TRPC4: variants seen among roughly 807,000 people sequenced by gnomAD.
TRPC4 encodes short transient receptor potential channel 4.
TRPC4 carries 49 observed loss-of-function variants against 99.4 expected under a neutral mutation model. The observed-to-expected ratio is 0.49, with a 90% confidence interval of 0.39 to 0.63. TRPC4 has a LOEUF of 0.63. Ranked by LOEUF, TRPC4 falls within the 20% of genes least tolerant of loss-of-function variation. The pLI is 0.00. For missense variants in TRPC4, 898 were observed against 1,152.9 expected (o/e 0.78, Z 3.20); for synonymous variants, 454 against 425.9 (o/e 1.07, Z -0.81).
chr13:37,667,154 T>G (rs1952672010), intron 5 of TRPC4, among the ~76,000 whole-genome samples: 1 of 152,224 alleles, frequency 6.6e-6, no homozygotes, highest in African/African-American at 2.4e-5. Flanking sequence ...TCCCAGCATC[T>G]AAACCCAAAT....
intron 1 of TRPC4, among the ~76,000 whole-genome samples, chr13:37,807,739 T>A (rs1035366484): frequency 9.2e-5 from 14 of 152,026 alleles, no homozygotes; most frequent in African/African-American, 3.4e-4. Flanking sequence ...AATGTTTCCA[T>A]CCTTCCAGAA....
intron 4 of TRPC4, among the ~76,000 whole-genome samples, chr13:37,682,062 A>G (rs1403612367): frequency 3.3e-5 from 5 of 152,200 alleles, no homozygotes; most frequent in Non-Finnish European, 1.5e-5. Flanking sequence ...GCCACATTTA[A>G]CAGCACCAAT....
chr13:37,777,487 A>C (rs1316314146), intron 2 of TRPC4, among the ~76,000 whole-genome samples: 1 of 151,874 alleles, frequency 6.6e-6, no homozygotes, highest in African/African-American at 2.4e-5. Context: ...CCCATGATTC[A>C]ATCACTTTTC....
At chr13:37,650,426 A>G (rs1036728496) in intron 8 of TRPC4, among the ~76,000 whole-genome samples, 1 of 152,146 alleles carries the variant, frequency 6.6e-6, no homozygotes, top group African/African-American at 2.4e-5. Context: ...TGTCAATGGT[A>G]TGGCTGCACC....
chr13:37,739,059 G>A (rs978566791), intron 3 of TRPC4, among the ~76,000 whole-genome samples: 1 of 152,094 alleles, frequency 6.6e-6, no homozygotes, highest in Admixed American at 6.5e-5. Context: ...TTAGAGGCAA[G>A]GTGTTCAACT....
intron 8 of TRPC4, among the ~76,000 whole-genome samples, chr13:37,643,437 G>A (rs1214538361): frequency 6.6e-6 from 1 of 152,176 alleles, no homozygotes; most frequent in Non-Finnish European, 1.5e-5. Context: ...GTACAGGGGA[G>A]AAGGAGGTAA....
intron 1 of TRPC4, among the ~76,000 whole-genome samples, chr13:37,788,839 G>A (rs1297552971): frequency 6.6e-6 from 1 of 152,038 alleles, no homozygotes; most frequent in Non-Finnish European, 1.5e-5. Flanking sequence ...ATCCAAGATG[G>A]TAGCCATTAG....
At chr13:37,640,848 G>C (rs1323593408) in intron 8 of TRPC4, among the ~76,000 whole-genome samples, 1 of 152,080 alleles carries the variant, frequency 6.6e-6, no homozygotes, top group Non-Finnish European at 1.5e-5. Flanking sequence ...ACAGAGATCT[G>C]ATTTTCATTA....
Position 37,826,583 on chromosome 13 carries a change from A to C in TRPC4, c.-28+43012T>G, listed in dbSNP as rs1387192994. Among the ~76,000 whole-genome samples the C allele has an allele frequency of 2.0e-5, 3 of 151,774 alleles. No individual in the cohort carries two copies. The East Asian group carries it at 5.8e-4, about 29-fold the overall frequency. ...TCTGGGTTGAAAATTCTTCTCTTTA[A>C]GAATGTTGAATATTGGTCCCCACTC... On this transcript the variant is annotated intron_variant, in intron 1 of 10. Coordinates refer to ENST00000379705, the MANE Select transcript of TRPC4 (RefSeq NM_016179.4).
intron 3 of TRPC4, among the ~76,000 whole-genome samples, chr13:37,705,958 CTA>C (rs10600518): frequency 0.54 from 81,492 of 151,742 alleles, 22,199 homozygotes; most frequent in African/African-American, 0.61. Context: ...TGATGAGTTC[CTA>C]TTGGTCTTTC....
chr13:37,653,089 G>T (rs534556614), intron 7 of TRPC4, among the ~76,000 whole-genome samples: 1 of 151,958 alleles, frequency 6.6e-6, no homozygotes, highest in Non-Finnish European at 1.5e-5. Context: ...CCCAGTCAAG[G>T]TCCCCTCTTC....
At chr13:37,861,719 C>A (rs1388378856) in intron 1 of TRPC4, among the ~76,000 whole-genome samples, 1 of 151,430 alleles carries the variant, frequency 6.6e-6, no homozygotes, top group Admixed American at 6.6e-5. Flanking sequence ...CATTACAAAT[C>A]AAAATGTTAA....
At chr13:37,713,665 T>C (rs1954561867) in intron 3 of TRPC4, among the ~76,000 whole-genome samples, 1 of 152,170 alleles carries the variant, frequency 6.6e-6, no homozygotes, top group Non-Finnish European at 1.5e-5. Flanking sequence ...GGTATAGTGA[T>C]CTGAACATAC....
rs1566052573 is a variant in TRPC4 at position 37,633,004 on chromosome 13, C to A, written c.*3899G>T. ...GATGAGGAGGTTTTTGTTTAAGCCCCAACTTGACCACCAAACACATGGGTA... is the reference window on the plus strand; with the variant it reads ...GATGAGGAGGTTTTTGTTTAAGCCCAAACTTGACCACCAAACACATGGGTA... On this transcript the variant is annotated 3_prime_UTR_variant, in exon 11 of 11. Coordinates refer to ENST00000379705, the MANE Select transcript of TRPC4 (RefSeq NM_016179.4). 6.6e-6 allele frequency among the ~76,000 whole-genome samples: 1 copy of A among 152,222 alleles called. No homozygotes were observed. Among genetic ancestry groups the A allele is most frequent in the South Asian group, 2.1e-4 (1 of 4,824 alleles).
At position 37,685,803 on chromosome 13, in the gene TRPC4, T is replaced by G. The variant is rs548126241; in HGVS notation, c.1234+6196A>C. On this transcript the variant is annotated intron_variant, in intron 4 of 10. Transcript: ENST00000379705. ...AGTTCATTTCCCTCCAATAAAGAAA[T>G]CATGTGTTCAGCATTAATAGGGGCA... is the stretch of plus-strand genomic sequence containing the variant. 2.6e-5 allele frequency among the ~76,000 whole-genome samples: 4 copies of G among 152,192 alleles called. No homozygotes were observed. The South Asian group carries it at 8.3e-4, about 31-fold the overall frequency.
intron 1 of TRPC4, among the ~76,000 whole-genome samples, chr13:37,866,812 G>A (rs1331402645): frequency 1.6e-5 from 2 of 126,356 alleles, no homozygotes; most frequent in African/African-American, 3.1e-5. Flanking sequence ...TTAAATTTGG[G>A]TTGAGTCGAA....
intron 2 of TRPC4, among the ~76,000 whole-genome samples, chr13:37,780,445 C>T (rs1278778477): frequency 6.6e-6 from 1 of 151,584 alleles, no homozygotes; most frequent in Non-Finnish European, 1.5e-5. Context: ...ATGACGTGTC[C>T]CAGAATCTTT....
rs1187187873 is a variant in TRPC4 at position 37,632,739 on chromosome 13, T to C, written c.*4164A>G. Among the ~76,000 whole-genome samples, 8 of 152,204 alleles carry C rather than the reference T, an allele frequency of 5.3e-5. No individual in the cohort carries two copies. ...AGTATGCATACAGGTTATCATAAAA[T>C]CTACACTTCCAGTGAAAATGAACAG... On this transcript the variant is annotated 3_prime_UTR_variant, in exon 11 of 11. Coordinates refer to ENST00000379705, the MANE Select transcript of TRPC4 (RefSeq NM_016179.4).
At chr13:37,814,316 T>A (rs1957783782) in intron 1 of TRPC4, among the ~76,000 whole-genome samples, 1 of 149,622 alleles carries the variant, frequency 6.7e-6, no homozygotes, top group Non-Finnish European at 1.5e-5. Context: ...ATACTAGAGG[T>A]TTTGACCAGG....
Sources: gnomAD v4.1 joint callset for allele counts (sites outside exome capture counted in the v4.1 genomes callset) on GRCh38, gnomAD v4.1.1 for gene constraint, MANE v1.5 for transcripts, NCBI Gene and HGNC (gene_info 2026-07-23, HGNC 2026-07-21) for gene names.